NT5C1B: variants seen among roughly 807,000 people sequenced by gnomAD.
NT5C1B encodes 5'-nucleotidase, cytosolic IB, also known as cytosolic 5'-nucleotidase 1B.
A neutral mutation model predicts 57.8 loss-of-function variants in NT5C1B; 44 were observed. The observed-to-expected ratio is 0.76, with a 90% confidence interval of 0.60 to 0.98. NT5C1B has a LOEUF of 0.98. Ranked by LOEUF, NT5C1B falls within the 50% of genes least tolerant of loss-of-function variation. NT5C1B has a pLI of 0.00. For missense variants in NT5C1B, 742 were observed against 719.5 expected (o/e 1.03, Z -0.36); for synonymous variants, 284 against 282.6 (o/e 1.00, Z -0.05).
exon 2 of NT5C1B, chr2:18,587,525 G>A (rs1376337091): frequency 6.2e-7 from 1 of 1,613,910 alleles, no homozygotes; most frequent in Non-Finnish European, 8.5e-7. Context: ...ACGAACTCCT[G>A]TTTTGTCAGA....
At chr2:18,564,561 TGC>T (rs1490294796) in intron 8 of NT5C1B, among the ~76,000 whole-genome samples, 1 of 152,244 alleles carries the variant, frequency 6.6e-6, no homozygotes, top group East Asian at 1.9e-4. Context: ...TCTAGTTTAA[TGC>T]TGTTTGGCTT....
In NT5C1B at chr2:18,585,051, C is replaced by A. The variant is rs775863551; in HGVS notation, c.259-73G>T. ...TCCGGTCAAGGATCTGTCCCTTCTGCCTATTCCATTCCTAGACCTTTGATG... is the reference window on the plus strand; with the variant it reads ...TCCGGTCAAGGATCTGTCCCTTCTGACTATTCCATTCCTAGACCTTTGATG... On this transcript the variant is annotated intron_variant, in intron 3 of 8. Transcript: ENST00000304081. 5.1e-6 allele frequency: 8 copies of A among 1,581,446 alleles called. No homozygotes were observed. In the Admixed American group the frequency reaches 8.4e-5, roughly 17 times the overall value.
At chr2:18,586,115 G>A (rs1666683397) in intron 3 of NT5C1B, 139 bp downstream of exon 3, 1 of 1,329,076 alleles carries the variant, frequency 7.5e-7, no homozygotes. Flanking sequence ...TTTACGGGCA[G>A]AAGGGAGTTC....
intron 8 of NT5C1B, among the ~76,000 whole-genome samples, chr2:18,565,339 A>AATT (rs1259104237): frequency 6.6e-6 from 1 of 152,110 alleles, no homozygotes. Flanking sequence ...TGTTGGCCGA[A>AATT]ATTTGTCCTG....
chr2:18,585,745 GA>G (rs1488010555), intron 3 of NT5C1B, among the ~76,000 whole-genome samples: 4 of 152,336 alleles, frequency 2.6e-5, no homozygotes, highest in African/African-American at 9.6e-5. Flanking sequence ...AAATCCGATA[GA>G]GATGATGAAT....
intron 5 of NT5C1B, chr2:18,583,491 GC>G: frequency 4.0e-6 from 1 of 248,362 alleles, no homozygotes; most frequent in South Asian, 5.4e-5. Flanking sequence ...CATGTATCCT[GC>G]CCATGCTTTT....
chr2:18,575,600 T>G (rs1665599481), intron 8 of NT5C1B, among the ~76,000 whole-genome samples: 1 of 152,190 alleles, frequency 6.6e-6, no homozygotes, highest in Non-Finnish European at 1.5e-5. Flanking sequence ...ATTTTCGACC[T>G]TGATTTTAAC....
At chr2:18,583,919 T>G (rs751685916) in intron 5 of NT5C1B, 169 bp downstream of exon 5, 5 of 1,155,502 alleles carry the variant, frequency 4.3e-6, no homozygotes, top group African/African-American at 1.5e-5. Flanking sequence ...CTCCACAGTC[T>G]GGAAGCCTGT....
rs145414794 is a variant in NT5C1B at position 18,576,791 on chromosome 2, G to A, written c.1126C>T (p.Gln376Ter). The stretch of plus-strand genomic sequence containing the variant: ...CTAATACCTTCTTGTATTGCCTCTT[G>A]CACTTTTTCAGAATCTGCAGCAATA... Residue 376 changes from glutamine (Q) to a stop codon, truncating the protein, a stop_gained, in exon 7 of 9, where the codon CAA becomes TAA. Transcript: ENST00000304081. LOFTEE classifies it high-confidence loss of function. 3.1e-6 allele frequency: 5 copies of A among 1,613,640 alleles called. No individual in the cohort carries two copies. The African/African-American group carries it at 6.7e-5, about 22-fold the overall frequency.
intron 1 of NT5C1B, 108 bp downstream of exon 1, chr2:18,589,331 A>G (rs1167881658): frequency 1.4e-6 from 2 of 1,440,840 alleles, no homozygotes; most frequent in African/African-American, 1.4e-5. Flanking sequence ...TGAAGCCATT[A>G]TCTGAAATTA....
Position 18,566,206 on chromosome 2 carries a change from T to A in NT5C1B, c.1330-2087A>T, listed in dbSNP as rs191821431. Among the ~76,000 whole-genome samples, 627 of 152,280 alleles carry A rather than the reference T, an allele frequency of 4.1e-3. 6 individuals carry two copies. The highest frequency in any genetic ancestry group is 0.015 in the African/African-American group (603 of 41,558). On this transcript the variant is annotated intron_variant, in intron 8 of 8. Coordinates refer to ENST00000304081, the Ensembl canonical transcript of NT5C1B. ...GAATGTATTCAATGTCAGCTCTCTTTTTATTATTACTTATACTGAAGTAGA... is the reference window on the plus strand; with the variant it reads ...GAATGTATTCAATGTCAGCTCTCTTATTATTATTACTTATACTGAAGTAGA...
At chr2:18,585,174 T>G (rs1011012451) in intron 3 of NT5C1B, 196 bp from the exon 4 acceptor site, 7 of 817,470 alleles carry the variant, frequency 8.6e-6, no homozygotes, top group Non-Finnish European at 1.5e-5. Context: ...ACACAGAGAC[T>G]GTCTGCTTTC....
intron 6 of NT5C1B, among the ~76,000 whole-genome samples, chr2:18,579,760 GC>G (rs1666019278): frequency 6.6e-6 from 1 of 152,082 alleles, no homozygotes; most frequent in Non-Finnish European, 1.5e-5. Context: ...AAAAGCAATT[GC>G]AACAACAAGA....
At position 18,571,736 on chromosome 2, in the gene NT5C1B, A is replaced by G. The variant is rs559403126; in HGVS notation, c.1329+4448T>C. Among the ~76,000 whole-genome samples, 182 of 79,324 alleles carry G rather than the reference A, an allele frequency of 2.3e-3. 1 individual carries two copies. Among genetic ancestry groups the G allele is most frequent in the African/African-American group, 0.011 (145 of 13,076 alleles). The allele number at this position is 79,324 out of a possible 152,430, so 52.0% of individuals were successfully genotyped here. A position where few individuals can be genotyped will look rare whatever the true frequency, so the allele number is the denominator to read the frequency against. On this transcript the variant is annotated intron_variant, in intron 8 of 8. Coordinates refer to ENST00000304081, the Ensembl canonical transcript of NT5C1B. ...TGTGTGTGTATATATATATATATAT[A>G]TATATATATATATATATATATATAT...
At position 18,584,063 on chromosome 2, in the gene NT5C1B, G is replaced by A. The variant is rs779411847; in HGVS notation, c.891+25C>T. The A allele has an allele frequency of 1.2e-6, 2 of 1,614,170 alleles. No individual in the cohort carries two copies. Among genetic ancestry groups the A allele is most frequent in the Non-Finnish European group, 1.7e-6 (2 of 1,180,026 alleles). ...CTCCCTCGCCATCGAGTGTCCTGGCGGGCCAAAGACAGCTTGCAGAATACC... is the reference window on the plus strand; with the variant it reads ...CTCCCTCGCCATCGAGTGTCCTGGCAGGCCAAAGACAGCTTGCAGAATACC... On this transcript the variant is annotated intron_variant, in intron 5 of 8. Coordinates refer to ENST00000304081, the Ensembl canonical transcript of NT5C1B. This position sits in a 1 kb window ranked among gnomAD's most constrained non-coding sequence, Gnocchi z 5.8.
chr2:18,576,234 C>T (rs758642190), exon 8 of NT5C1B: 17 of 1,613,474 alleles, frequency 1.1e-5, no homozygotes, highest in South Asian at 4.4e-5. Context: ...AAGAATTTGT[C>T]GAGCCCATGC....
At position 18,584,840 on chromosome 2, in the gene NT5C1B, G is replaced by T. The variant is rs1414950009; in HGVS notation, c.397C>A (p.Pro133Thr). Reference sequence around the variant, plus strand: ...GGATCGGGCTCTGGGGGCGTGGGAGGCCGCGAGTCCAGCGACCGGGGCAGC... The same window carrying T: ...GGATCGGGCTCTGGGGGCGTGGGAGTCCGCGAGTCCAGCGACCGGGGCAGC... The change falls in exon 4 of 9, where the codon CCT (proline) becomes ACT (threonine). Residue 133 changes from proline (P) to threonine (T), a missense_variant. Transcript: ENST00000304081. This position sits in a 1 kb window ranked among gnomAD's most constrained non-coding sequence, Gnocchi z 5.8. The T allele has an allele frequency of 4.3e-6, 7 of 1,610,260 alleles. No homozygotes were observed. In the South Asian group the frequency reaches 7.7e-5, roughly 18 times the overall value.
chr2:18,585,063 C>T, intron 3 of NT5C1B, 85 bp from the exon 4 acceptor site: 1 of 1,564,006 alleles, frequency 6.4e-7, no homozygotes. Context: ...TATTCCATTC[C>T]TAGACCTTTG....
chr2:18,587,365 C>T (rs1666814825), intron 2 of NT5C1B, 138 bp downstream of exon 2: 9 of 1,489,972 alleles, frequency 6.0e-6, no homozygotes, highest in Non-Finnish European at 8.0e-6. Flanking sequence ...CCTTAACCTT[C>T]TCATGAGGAC....
Sources: gnomAD v4.1 joint callset for allele counts (sites outside exome capture counted in the v4.1 genomes callset) on GRCh38, gnomAD v4.1.1 for gene constraint, Gnocchi (gnomAD v3.1) non-coding constraint, MANE v1.5 for transcripts, NCBI Gene and HGNC (gene_info 2026-07-23, HGNC 2026-07-21) for gene names.